The following AMOTL1 variants were observed in gnomAD, a reference collection of about 807,000 sequenced individuals.
The protein encoded by AMOTL1 is angiomotin like 1, also known as angiomotin-like protein 1.
In AMOTL1, 45 loss-of-function variants were observed where a neutral mutation model predicts 102.9. That is an observed-to-expected ratio of 0.44 (90% CI 0.34 to 0.56). AMOTL1 has a LOEUF of 0.56. Ranked by LOEUF, AMOTL1 falls within the 20% of genes least tolerant of loss-of-function variation. The pLI is 0.01. For synonymous variants in AMOTL1, 481 were observed against 484.7 expected, an observed-to-expected ratio of 0.99 and a Z score of 0.10; for missense variants, 1,114 against 1,225.6, an observed-to-expected ratio of 0.91 and a Z score of 1.36.
chr11:94,772,274 G>A (rs1950963096), intron 1 of AMOTL1, among the ~76,000 whole-genome samples: 1 of 152,106 alleles, frequency 6.6e-6, no homozygotes, highest in Non-Finnish European at 1.5e-5. Flanking sequence ...TTCATGTGTA[G>A]ATTCATGTAA....
At chr11:94,729,597 G>T (rs1950314186) in intron 2 of AMOTL1, among the ~76,000 whole-genome samples, 1 of 152,102 alleles carries the variant, frequency 6.6e-6, no homozygotes, top group Non-Finnish European at 1.5e-5. Context: ...ACAAATATAA[G>T]AACCATACCC....
chr11:94,787,080 C>G (rs537251708), intron 1 of AMOTL1, among the ~76,000 whole-genome samples: 14 of 151,436 alleles, frequency 9.2e-5, no homozygotes, highest in Non-Finnish European at 1.3e-4. Context: ...AATACACAGG[C>G]AATTTAATAC....
At chr11:94,848,029 G>T (rs1952453711) in intron 6 of AMOTL1, among the ~76,000 whole-genome samples, 1 of 152,206 alleles carries the variant, frequency 6.6e-6, no homozygotes, top group African/African-American at 2.4e-5. Context: ...CAGGATGCCT[G>T]CTTAGTAATA....
At chr11:94,821,877 G>A (rs572669950) in intron 4 of AMOTL1, 56 bp downstream of exon 4, 1 of 1,585,970 alleles carries the variant, frequency 6.3e-7, no homozygotes, top group African/African-American at 1.3e-5. Context: ...TGGTCATGGG[G>A]AGTTGATGCA....
chr11:94,812,613 TTTTTG>T (rs373443388), intron 3 of AMOTL1, among the ~76,000 whole-genome samples: 12 of 152,366 alleles, frequency 7.9e-5, no homozygotes, highest in Admixed American at 1.3e-4. Flanking sequence ...AGTATATAGT[TTTTTG>T]TTTTGTTTTG....
rs200781901 is a variant in AMOTL1, at chr11:94,859,693, G to A, written c.2113G>A (p.Ala705Thr). The A allele has an allele frequency of 1.9e-4, 307 of 1,608,944 alleles. No individual in the cohort carries two copies. The highest frequency in any genetic ancestry group is 2.4e-4 in the Non-Finnish European group (280 of 1,177,454). The change falls in exon 9 of 13, where the codon GCA becomes ACA. Residue 705 changes from alanine to threonine, a missense_variant. By Grantham distance (58) the Ala-to-Thr change is moderately conservative. Coordinates refer to ENST00000433060, the MANE Select transcript of AMOTL1 (RefSeq NM_130847.3). ...CATCCGACACTTTGCCATGAATGCC[G>A]CAGCCACTGCAGCAGCTGAGAGGTG... The part of the protein sequence containing the change: ...STIRHFAMNA[A>T]ATAAAERDTT...
Position 94,758,499 on chromosome 11 carries a change from T to C in AMOTL1, c.136+17511T>C, listed in dbSNP as rs376281887. On this transcript the variant is annotated intron_variant, in intron 3 of 4. Coordinates refer to the AMOTL1 transcript ENST00000299004. Reference sequence around the variant, plus strand: ...TTAGCTTGTCTTACAGGATGCTTAGTTTGCCAGTACACTTCAGACCAATGG... The same window carrying C: ...TTAGCTTGTCTTACAGGATGCTTAGCTTGCCAGTACACTTCAGACCAATGG... Among the ~76,000 whole-genome samples, 22 of 152,358 alleles carry C rather than the reference T, an allele frequency of 1.4e-4. 1 individual carries two copies. The South Asian group carries it at 4.4e-3, about 30-fold the overall frequency.
At chr11:94,869,588 G>C in intron 12 of AMOTL1, 115 bp downstream of exon 12, 1 of 1,236,716 alleles carries the variant, frequency 8.1e-7, no homozygotes. Context: ...TTACTCTATG[G>C]GGATGCTATT....
At chr11:94,721,890 G>T (rs778052376) in intron 1 of AMOTL1, among the ~76,000 whole-genome samples, 14 of 152,140 alleles carry the variant, frequency 9.2e-5, no homozygotes, top group South Asian at 2.1e-4. Flanking sequence ...TGGCTGTAAA[G>T]ATCTATATAT....
At chr11:94,740,868 G>C (rs1950512107) in intron 2 of AMOTL1, 2 of 1,077,034 alleles carry the variant, frequency 1.9e-6, no homozygotes, top group African/African-American at 4.3e-5. Flanking sequence ...CTGCGCTTGA[G>C]CTGGTGCTTG....
chr11:94,840,683 C>CAT (rs1952283280), intron 6 of AMOTL1, among the ~76,000 whole-genome samples: 1 of 91,040 alleles, frequency 1.1e-5, no homozygotes, highest in African/African-American at 4.3e-5. Flanking sequence ...TATATATATA[C>CAT]ACACACACAC....
At chr11:94,802,128 G>T (rs1951489819) in intron 3 of AMOTL1, among the ~76,000 whole-genome samples, 1 of 152,296 alleles carries the variant, frequency 6.6e-6, no homozygotes, top group Non-Finnish European at 1.5e-5. Context: ...TGAGATCTTG[G>T]CCAGGCAGGA....
At chr11:94,830,002 C>A in intron 4 of AMOTL1, 48 bp from the exon 5 acceptor site, 1 of 1,527,108 alleles carries the variant, frequency 6.5e-7, no homozygotes, top group Admixed American at 2.2e-5. Context: ...ACCAAGACAC[C>A]AGCATGAATG....
upstream of AMOTL1, chr11:94,768,212 G>A (rs1261447567): frequency 6.4e-6 from 7 of 1,092,666 alleles, 1 homozygote; most frequent in Non-Finnish European, 7.8e-6. Context: ...GCGGCCCGGG[G>A]AGGGGCGGCG....
At position 94,833,471 on chromosome 11, in the gene AMOTL1, T is replaced by C. The variant is rs530161177; in HGVS notation, c.1648+1930T>C. On this transcript the variant is annotated intron_variant, in intron 6 of 12. Coordinates refer to ENST00000433060, the MANE Select transcript of AMOTL1 (RefSeq NM_130847.3). The stretch of plus-strand genomic sequence containing the variant: ...ATATGTCACAGATATTTTCTCCAGT[T>C]GTTTTTAATCTTTGTTCTTTATCTT... 2.6e-5 allele frequency among the ~76,000 whole-genome samples: 4 copies of C among 152,368 alleles called. No homozygotes were observed. The East Asian group carries it at 7.7e-4, about 29-fold the overall frequency.
In AMOTL1 at chr11:94,730,644, T is replaced by C. The variant is rs374442788; in HGVS notation, c.85+1589T>C. Among the ~76,000 whole-genome samples, 4 of 152,200 alleles carry C rather than the reference T, an allele frequency of 2.6e-5. No homozygotes were observed. The East Asian group carries it at 7.7e-4, about 29-fold the overall frequency. ...TGTTGCATGGCAAATTCATGGTGTATATTTGATGGCTGGCTGGCTGTGTGG... is the reference window on the plus strand; with the variant it reads ...TGTTGCATGGCAAATTCATGGTGTACATTTGATGGCTGGCTGGCTGTGTGG... On this transcript the variant is annotated intron_variant, in intron 2 of 4. Transcript: ENST00000299004.
At chr11:94,713,011 T>A (rs1185054999) in intron 1 of AMOTL1, among the ~76,000 whole-genome samples, 2 of 151,894 alleles carry the variant, frequency 1.3e-5, no homozygotes, top group East Asian at 3.8e-4. Flanking sequence ...TTGTATATAA[T>A]ATGTCAAGTT....
intron 1 of AMOTL1, among the ~76,000 whole-genome samples, chr11:94,774,961 T>C (rs1178773472): frequency 3.3e-5 from 5 of 152,212 alleles, no homozygotes; most frequent in Admixed American, 3.3e-4. Context: ...TCTTCTATCA[T>C]TTGTCTCTCA....
At chr11:94,739,075 GA>G (rs1296071974) in intron 2 of AMOTL1, among the ~76,000 whole-genome samples, 3 of 152,200 alleles carry the variant, frequency 2.0e-5, no homozygotes, top group Admixed American at 2.0e-4. Flanking sequence ...AAATGAGGTA[GA>G]ACAACCAGAG....
Sources: allele counts gnomAD v4.1 joint callset (sites outside exome capture counted in the v4.1 genomes callset), GRCh38; gene constraint gnomAD v4.1.1; transcripts MANE v1.5; gene names NCBI Gene and HGNC (gene_info 2026-07-23, HGNC 2026-07-21).